Variants in RBFOX3 observed in about 807,000 individuals in gnomAD.
RBFOX3 encodes the protein RNA binding protein fox-1 homolog 3.
RBFOX3 carries 17 observed loss-of-function variants against 48.7 expected under a neutral mutation model. The observed-to-expected ratio is 0.35, with a 90% CI of 0.24 to 0.52. RBFOX3 has a LOEUF of 0.52. Ranked by LOEUF, RBFOX3 falls within the 20% of genes least tolerant of loss-of-function variation. The pLI, the probability that RBFOX3 is intolerant of heterozygous loss-of-function variation, is 0.94. For synonymous variants in RBFOX3, 212 were observed against 209.5 expected (o/e 1.01, Z -0.10); for missense variants, 382 against 497.5 (o/e 0.77, Z 2.21).
chr17:79,306,900 C>T (rs1224737695), intron 3 of RBFOX3, among the ~76,000 whole-genome samples: 1 of 152,220 alleles, frequency 6.6e-6, no homozygotes, highest in South Asian at 2.1e-4. Flanking sequence ...GAAAAGGGAA[C>T]CCCTCTCCTG....
rs368560157 is a variant in RBFOX3 at position 79,254,019 on chromosome 17, G to A, written c.-73-18214C>T. Among the ~76,000 whole-genome samples the A allele has an allele frequency of 1.5e-4, 23 of 152,282 alleles. No individual in the cohort carries two copies. The highest frequency in any genetic ancestry group is 5.1e-4 in the African/African-American group (21 of 41,552). ...CTTCCCCCACGCAGCCTCTGAGGGCGGGTATGGGAGGGAGCCTTCTCCCCA... is the reference window on the plus strand; with the variant it reads ...CTTCCCCCACGCAGCCTCTGAGGGCAGGTATGGGAGGGAGCCTTCTCCCCA... On this transcript the variant is annotated intron_variant, in intron 3 of 14. Transcript: ENST00000693108. This position sits in a 1 kb window ranked among gnomAD's most constrained non-coding sequence, Gnocchi z 4.8.
chr17:79,109,125 C>T (rs1038734987), intron 5 of RBFOX3, among the ~76,000 whole-genome samples: 16 of 152,136 alleles, frequency 1.1e-4, no homozygotes, highest in African/African-American at 3.4e-4. Context: ...TGTGAGGCTC[C>T]GGGTGGATCC....
intron 1 of RBFOX3, among the ~76,000 whole-genome samples, chr17:79,492,706 G>C (rs2080869612): frequency 1.3e-5 from 2 of 152,158 alleles, no homozygotes; most frequent in African/African-American, 4.8e-5. Context: ...TTAAATTTGG[G>C]GATAATCTAT....
At chr17:79,168,645 C>A (rs977102818) in intron 4 of RBFOX3, among the ~76,000 whole-genome samples, 1 of 152,214 alleles carries the variant, frequency 6.6e-6, no homozygotes, top group Non-Finnish European at 1.5e-5. Context: ...TGTCCACATC[C>A]GCTGATGAAT....
the RBFOX3 span, among the ~76,000 whole-genome samples, chr17:79,628,300 A>G: frequency 1.1e-3 from 162 of 152,132 alleles, no homozygotes; most frequent in African/African-American, 3.0e-3. Context: ...CCTGGCCCCA[A>G]TGCGCTTCCT....
At position 79,297,964 on chromosome 17, in the gene RBFOX3, T is replaced by C. The variant is rs936682892; in HGVS notation, c.-74+9760A>G. On this transcript the variant is annotated intron_variant, in intron 3 of 14. Coordinates refer to ENST00000693108, the MANE Select transcript of RBFOX3 (RefSeq NM_001350451.2). ...TCTGGGAAGATGTAACGGGTGGTAG[T>C]GTCCCATTCTGGTAGCTTCTCCTTG... Among the ~76,000 whole-genome samples the C allele has an allele frequency of 3.9e-5, 6 of 152,364 alleles. 1 individual carries two copies. In the South Asian group the frequency reaches 1.2e-3, roughly 32 times the overall value.
the RBFOX3 span, among the ~76,000 whole-genome samples, chr17:79,620,415 ATGCACACACGCACG>A: frequency 1.5e-4 from 23 of 148,830 alleles, 1 homozygote; most frequent in African/African-American, 5.2e-4. Flanking sequence ...ACACACGGAC[ATGCACACACGCACG>A]TGCACACATG....
At chr17:79,149,913 T>G in intron 4 of RBFOX3, among the ~76,000 whole-genome samples, 1 of 137,140 alleles carries the variant, frequency 7.3e-6, no homozygotes. Context: ...TAATAAGCAG[T>G]GACAGTGGCT....
chr17:79,367,929 G>A (rs907522642), intron 2 of RBFOX3, among the ~76,000 whole-genome samples: 14 of 152,206 alleles, frequency 9.2e-5, no homozygotes, highest in Non-Finnish European at 1.5e-4. Flanking sequence ...ATCCCGGCAT[G>A]ACTCTGTGTG....
At chr17:79,330,626 A>T (rs1441065178) in intron 2 of RBFOX3, among the ~76,000 whole-genome samples, 1 of 151,388 alleles carries the variant, frequency 6.6e-6, no homozygotes, top group Admixed American at 6.6e-5. Flanking sequence ...CCTCTCCCAC[A>T]CCCCTGACTC....
chr17:79,351,509 T>C (rs1475405327), intron 2 of RBFOX3, among the ~76,000 whole-genome samples: 1 of 152,224 alleles, frequency 6.6e-6, no homozygotes, highest in Non-Finnish European at 1.5e-5. Context: ...AATCTTGCTG[T>C]CTTTTCTATT....
intron 2 of RBFOX3, among the ~76,000 whole-genome samples, chr17:79,460,943 T>C (rs1555748392): frequency 6.6e-6 from 1 of 152,234 alleles, no homozygotes; most frequent in Non-Finnish European, 1.5e-5. Context: ...ACAGTGTCTT[T>C]TTTTTTAAAC....
intron 4 of RBFOX3, among the ~76,000 whole-genome samples, chr17:79,173,857 C>T (rs556482457): frequency 2.5e-4 from 38 of 150,856 alleles, no homozygotes; most frequent in African/African-American, 8.8e-4. Flanking sequence ...TTCTGAGACC[C>T]TCTCCCCACG....
chr17:79,266,822 T>G (rs1000375358), intron 3 of RBFOX3, among the ~76,000 whole-genome samples: 3 of 152,164 alleles, frequency 2.0e-5, no homozygotes, highest in Non-Finnish European at 2.9e-5. Flanking sequence ...TGGTGGAGCT[T>G]CCTGCTTGGC....
At chr17:79,598,792 T>C (rs2093633611) in intron 1 of RBFOX3, 1 of 152,186 alleles carries the variant, frequency 6.6e-6, no homozygotes, top group Non-Finnish European at 1.5e-5. Flanking sequence ...GCCTTCCTTT[T>C]TGAGATAACG....
intron 4 of RBFOX3, among the ~76,000 whole-genome samples, chr17:79,124,190 G>A (rs1043059877): frequency 2.6e-5 from 4 of 152,222 alleles, no homozygotes; most frequent in Non-Finnish European, 2.9e-5. Context: ...TTACACCACA[G>A]GAATCGGCAA....
intron 4 of RBFOX3, among the ~76,000 whole-genome samples, chr17:79,147,695 T>C (rs1053918652): frequency 2.6e-5 from 4 of 152,204 alleles, no homozygotes; most frequent in Admixed American, 2.0e-4. Flanking sequence ...CACCCCTGGT[T>C]CTGGGCTGGC....
intron 2 of RBFOX3, among the ~76,000 whole-genome samples, chr17:79,317,393 C>T (rs2077687097): frequency 6.6e-6 from 1 of 152,228 alleles, no homozygotes; most frequent in South Asian, 2.1e-4. Flanking sequence ...AACAAAGACG[C>T]AGATTTGAGC....
intron 2 of RBFOX3, among the ~76,000 whole-genome samples, chr17:79,314,671 C>T (rs2077296720): frequency 6.6e-6 from 1 of 152,320 alleles, no homozygotes. Flanking sequence ...ACCAGAGCTG[C>T]AGAAACCATG....
Sources: gnomAD v4.1 joint callset for allele counts (sites outside exome capture counted in the v4.1 genomes callset) on GRCh38, gnomAD v4.1.1 for gene constraint, Gnocchi (gnomAD v3.1) non-coding constraint, MANE v1.5 for transcripts, NCBI Gene and HGNC (gene_info 2026-07-23, HGNC 2026-07-21) for gene names.